The following CAMTA1 variants were observed in gnomAD, a reference collection of about 807,000 sequenced individuals.
The protein encoded by CAMTA1 is calmodulin binding transcription activator 1.
Under a neutral mutation model 170.9 loss-of-function variants are expected in CAMTA1, and 27 were observed. The observed-to-expected ratio is 0.16, with a 90% CI of 0.12 to 0.22. CAMTA1 has a LOEUF of 0.22. CAMTA1 is among the 10% of genes least tolerant of loss of function. The probability of loss-of-function intolerance (pLI) is 1.00; values close to 1 mark genes in which losing one functional copy is unlikely to be tolerated. For missense variants in CAMTA1, 1,619 were observed against 2,217.2 expected (o/e 0.73, Z 5.42); for synonymous variants, 833 against 891.5 (o/e 0.93, Z 1.17).
At chr1:7,115,805 T>C (rs1379865307) in intron 4 of CAMTA1, among the ~76,000 whole-genome samples, 5 of 152,106 alleles carry the variant, frequency 3.3e-5, no homozygotes, top group Non-Finnish European at 7.3e-5. Flanking sequence ...CACGTCCCCA[T>C]GCAAGGCAGT....
intron 5 of CAMTA1, among the ~76,000 whole-genome samples, chr1:7,263,223 G>A (rs951146453): frequency 2.6e-5 from 4 of 152,166 alleles, no homozygotes; most frequent in African/African-American, 7.2e-5. Flanking sequence ...TGGTATAAAT[G>A]TGGAGAGGCT....
intron 2 of CAMTA1, among the ~76,000 whole-genome samples, chr1:6,822,821 C>G (rs1030976165): frequency 6.6e-6 from 1 of 151,150 alleles, no homozygotes. Flanking sequence ...CACACACACA[C>G]ACACAAACAC....
In CAMTA1 at chr1:7,050,063, G is replaced by A. The variant is rs192140750; in HGVS notation, c.235-41241G>A. ...GTTCCCAGGAGGGGACTGCAAGCGC[G>A]GTGTCCTTGGGGCGGGATTGCACTG... is the stretch of plus-strand genomic sequence containing the variant. On this transcript the variant is annotated intron_variant, in intron 3 of 22. Transcript: ENST00000303635. The surrounding 1 kb of genome is among the most constrained non-coding windows in gnomAD (Gnocchi z 4.8). 1.5e-3 allele frequency among the ~76,000 whole-genome samples: 224 copies of A among 152,356 alleles called. No homozygotes were observed. Among genetic ancestry groups the A allele is most frequent in the Admixed American group, 3.3e-3 (50 of 15,310 alleles).
chr1:7,013,391 T>C (rs1243041308), intron 3 of CAMTA1, among the ~76,000 whole-genome samples: 1 of 151,948 alleles, frequency 6.6e-6, no homozygotes, highest in African/African-American at 2.4e-5. Context: ...TTTTGTATTT[T>C]TAGTACAGAT....
rs2096197764 is a variant in CAMTA1, at chr1:7,680,936, G to A, written c.2914+3203G>A. ...GCGCAGCCTTTGTCCCCGCGGCGTA[G>A]CTTTTGTTTGCGCAGCCCCGCCCTG... On this transcript the variant is annotated intron_variant, in intron 11 of 22. Coordinates refer to ENST00000303635, the MANE Select transcript of CAMTA1 (RefSeq NM_015215.4). The surrounding 1 kb of genome is among the most constrained non-coding windows in gnomAD (Gnocchi z 4.4). Among the ~76,000 whole-genome samples, 1 of 150,396 alleles carries A rather than the reference G, an allele frequency of 6.6e-6. No individual in the cohort carries two copies. The highest frequency in any genetic ancestry group is 1.5e-5 in the Non-Finnish European group (1 of 67,188).
intron 6 of CAMTA1, among the ~76,000 whole-genome samples, chr1:7,581,434 G>A (rs764324596): frequency 2.6e-5 from 4 of 152,182 alleles, no homozygotes; most frequent in African/African-American, 9.7e-5. Context: ...CCACACACTC[G>A]AATTGAAAAT....
At chr1:6,787,964 C>T (rs1467021713) in intron 1 of CAMTA1, among the ~76,000 whole-genome samples, 1 of 152,082 alleles carries the variant, frequency 6.6e-6, no homozygotes, top group Non-Finnish European at 1.5e-5. Flanking sequence ...AACGAATGAC[C>T]GTAAATATGT....
intron 3 of CAMTA1, among the ~76,000 whole-genome samples, chr1:6,991,140 A>G (rs1696307131): frequency 6.6e-6 from 1 of 152,098 alleles, no homozygotes; most frequent in South Asian, 2.1e-4. Context: ...TTATCCATTC[A>G]TTCATGGACA....
intron 5 of CAMTA1, among the ~76,000 whole-genome samples, chr1:7,268,421 C>T (rs1669235353): frequency 6.6e-6 from 1 of 152,190 alleles, no homozygotes; most frequent in Admixed American, 6.5e-5. Flanking sequence ...TCAGGGTTCA[C>T]ACAGAACTGG....
chr1:7,120,264 C>G (rs752680496), intron 4 of CAMTA1, among the ~76,000 whole-genome samples: 1 of 152,178 alleles, frequency 6.6e-6, no homozygotes, highest in Middle Eastern at 3.2e-3. Context: ...CTTCAATGTC[C>G]CTCATGAAGC....
intron 3 of CAMTA1, among the ~76,000 whole-genome samples, chr1:7,087,304 A>G (rs1380169166): frequency 6.6e-6 from 1 of 152,204 alleles, no homozygotes; most frequent in African/African-American, 2.4e-5. Context: ...AAAGGGCTCC[A>G]TGGAGACAAG....
chr1:7,585,172 G>C lies in CAMTA1; in HGVS notation c.511-55228G>C, dbSNP rs2150426495. Among the ~76,000 whole-genome samples the C allele has an allele frequency of 6.6e-6, 1 of 152,296 alleles. No individual in the cohort carries two copies. The highest frequency in any genetic ancestry group is 2.4e-5 in the African/African-American group (1 of 41,558). On this transcript the variant is annotated intron_variant, in intron 6 of 22. Coordinates refer to ENST00000303635, the MANE Select transcript of CAMTA1 (RefSeq NM_015215.4). The surrounding 1 kb of genome is among the most constrained non-coding windows in gnomAD (Gnocchi z 4.8). Reference sequence around the variant, plus strand: ...CCAAATGAGTTATGAACAAGCTGTGGCTTTTAGAGCTTTATGGATTTTGGA... The same window carrying C: ...CCAAATGAGTTATGAACAAGCTGTGCCTTTTAGAGCTTTATGGATTTTGGA...
rs1650089334 is a variant in CAMTA1, at chr1:7,173,428, T to A, written c.303-76063T>A. ...TTAAGACTGATTTTCACTCTAGTCA[T>A]CCAGGCTGGAGTATAACAGTGTGAT... On this transcript the variant is annotated intron_variant, in intron 4 of 22. Transcript: ENST00000303635. This position sits in a 1 kb window ranked among gnomAD's most constrained non-coding sequence, Gnocchi z 5.4. Among the ~76,000 whole-genome samples, 1 of 152,098 alleles carries A rather than the reference T, an allele frequency of 6.6e-6. No individual in the cohort carries two copies. Among genetic ancestry groups the A allele is most frequent in the South Asian group, 2.1e-4 (1 of 4,824 alleles).
intron 6 of CAMTA1, among the ~76,000 whole-genome samples, chr1:7,503,253 A>G (rs1363434946): frequency 6.6e-6 from 1 of 152,090 alleles, no homozygotes; most frequent in East Asian, 1.9e-4. Flanking sequence ...GGCCGAGAGC[A>G]AGGGTCCAGG....
intron 6 of CAMTA1, among the ~76,000 whole-genome samples, chr1:7,480,625 C>A (rs2093514915): frequency 6.6e-6 from 1 of 152,072 alleles, no homozygotes; most frequent in Non-Finnish European, 1.5e-5. Context: ...GCGGCCATTC[C>A]CTCCTTATGA....
At chr1:7,295,669 A>G (rs781682049) in intron 5 of CAMTA1, among the ~76,000 whole-genome samples, 2 of 152,216 alleles carry the variant, frequency 1.3e-5, no homozygotes, top group Admixed American at 6.5e-5. Context: ...AGTACTTTCC[A>G]TGGCATGGTT....
At chr1:6,834,135 T>C (rs934083748) in intron 3 of CAMTA1, among the ~76,000 whole-genome samples, 2 of 151,756 alleles carry the variant, frequency 1.3e-5, no homozygotes, top group Non-Finnish European at 2.9e-5. Flanking sequence ...TGGGTCCAGC[T>C]TCGGAGTTTA....
At chr1:7,524,771 C>T (rs2094410495) in intron 6 of CAMTA1, among the ~76,000 whole-genome samples, 1 of 152,124 alleles carries the variant, frequency 6.6e-6, no homozygotes, top group Non-Finnish European at 1.5e-5. Context: ...CATCCTGCCC[C>T]TCACAGGATC....
intron 6 of CAMTA1, among the ~76,000 whole-genome samples, chr1:7,590,682 T>C (rs983417348): frequency 6.6e-6 from 1 of 152,116 alleles, no homozygotes; most frequent in African/African-American, 2.4e-5. Flanking sequence ...CTTAGAGGTG[T>C]CCCAAAGCAC....
Sources: allele counts gnomAD v4.1 joint callset (sites outside exome capture counted in the v4.1 genomes callset), GRCh38; gene constraint gnomAD v4.1.1; non-coding constraint Gnocchi (gnomAD v3.1); transcripts MANE v1.5; gene names NCBI Gene and HGNC (gene_info 2026-07-23, HGNC 2026-07-21).